Variants in UMAD1 observed in about 807,000 individuals in gnomAD.
The protein encoded by UMAD1 is UBAP1-MVB12-associated (UMA)-domain containing protein 1.
UMAD1 carries 8 observed loss-of-function variants against 6.1 expected under a neutral mutation model. The observed-to-expected ratio is 1.30, with a 90% CI of 0.76 to 2.35. The LOEUF (loss-of-function observed/expected upper bound fraction) is 2.35. Among genes scored for constraint, UMAD1 ranks in the 30% most tolerant of loss-of-function variants. The pLI, the probability that UMAD1 is intolerant of heterozygous loss-of-function variation, is 0.00. For missense variants in UMAD1, 130 were observed against 78.4 expected, an observed-to-expected ratio of 1.66 and a Z score of -2.49; for synonymous variants, 56 against 31.4, an observed-to-expected ratio of 1.78 and a Z score of -2.61.
intron 2 of UMAD1, among the ~76,000 whole-genome samples, chr7:7,792,213 AC>A (rs1413596158): frequency 6.6e-6 from 1 of 152,144 alleles, no homozygotes; most frequent in Non-Finnish European, 1.5e-5. Flanking sequence ...GTCAGCTTGT[AC>A]CCTTTCCTAT....
At chr7:7,869,981 G>T (rs1784305691) in intron 3 of UMAD1, among the ~76,000 whole-genome samples, 1 of 152,144 alleles carries the variant, frequency 6.6e-6, no homozygotes, top group Admixed American at 6.5e-5. Flanking sequence ...AGATTTTTAA[G>T]ATTGAACCTC....
intron 2 of UMAD1, among the ~76,000 whole-genome samples, chr7:7,769,227 C>T (rs554491848): frequency 2.0e-5 from 3 of 152,198 alleles, no homozygotes; most frequent in African/African-American, 7.2e-5. Context: ...TAGGAGCTCT[C>T]AGTGAAAACT....
intron 2 of UMAD1, among the ~76,000 whole-genome samples, chr7:7,683,345 A>C (rs1779959013): frequency 6.6e-6 from 1 of 152,176 alleles, no homozygotes; most frequent in African/African-American, 2.4e-5. Flanking sequence ...TTTTCCCCCC[A>C]GAGTTCTCCA....
intron 2 of UMAD1, among the ~76,000 whole-genome samples, chr7:7,674,174 C>T (rs1047320548): frequency 3.3e-5 from 5 of 152,170 alleles, no homozygotes; most frequent in Non-Finnish European, 5.9e-5. Context: ...TGGACCTCCT[C>T]CCACCAAATT....
chr7:7,824,653 A>C (rs1481958295), intron 3 of UMAD1, among the ~76,000 whole-genome samples: 1 of 152,106 alleles, frequency 6.6e-6, no homozygotes, highest in African/African-American at 2.4e-5. Context: ...CACCAGTAGA[A>C]GTTTGGAAGA....
chr7:7,704,135 A>G (rs569634096), intron 2 of UMAD1, among the ~76,000 whole-genome samples: 1 of 152,282 alleles, frequency 6.6e-6, no homozygotes, highest in East Asian at 1.9e-4. Context: ...TAAACAACAC[A>G]TCATGATAGT....
At chr7:7,817,606 A>T (rs539666867) in intron 3 of UMAD1, among the ~76,000 whole-genome samples, 8 of 152,162 alleles carry the variant, frequency 5.3e-5, no homozygotes, top group Non-Finnish European at 8.8e-5. Context: ...GATGATTCTA[A>T]TTCTCAAATC....
chr7:7,872,967 T>C (rs2115342885), intron 3 of UMAD1, among the ~76,000 whole-genome samples: 1 of 152,328 alleles, frequency 6.6e-6, no homozygotes, highest in South Asian at 2.1e-4. Context: ...TCAAAAGAGA[T>C]GAATGGATTC....
chr7:7,730,460 T>A (rs531139734), intron 2 of UMAD1, among the ~76,000 whole-genome samples: 1 of 152,088 alleles, frequency 6.6e-6, no homozygotes, highest in South Asian at 2.1e-4. Flanking sequence ...AAGCAATTGA[T>A]CTTGTCTCAT....
In UMAD1 at chr7:7,854,134, T is replaced by C. The variant is rs1286744708; in HGVS notation, c.157-23147T>C. 2.6e-5 allele frequency among the ~76,000 whole-genome samples: 4 copies of C among 152,066 alleles called. No individual in the cohort carries two copies. In the East Asian group the frequency reaches 7.7e-4, roughly 29 times the overall value. ...ACTTTGGGAGGCCAAGGCAAGCAGA[T>C]CCCCTGAGGCTGGAAGTTTGAGATC... On this transcript the variant is annotated intron_variant, in intron 3 of 3. Coordinates refer to ENST00000682710, the MANE Select transcript of UMAD1 (RefSeq NM_001302348.2).
At chr7:7,657,191 C>T (rs1176871337) in intron 1 of UMAD1, among the ~76,000 whole-genome samples, 1 of 151,988 alleles carries the variant, frequency 6.6e-6, no homozygotes, top group Non-Finnish European at 1.5e-5. Context: ...TGTTTAAATT[C>T]TTTCTAGAGT....
intron 1 of UMAD1, among the ~76,000 whole-genome samples, chr7:7,644,878 T>G (rs1785060528): frequency 6.6e-6 from 1 of 152,228 alleles, no homozygotes; most frequent in African/African-American, 2.4e-5. Flanking sequence ...TTGATCAAAA[T>G]TGCACTGTAT....
intron 2 of UMAD1, among the ~76,000 whole-genome samples, chr7:7,782,657 C>G (rs1414036994): frequency 6.6e-6 from 1 of 151,690 alleles, no homozygotes; most frequent in African/African-American, 2.4e-5. Flanking sequence ...ATACTTTAAT[C>G]CTAGTTAATC....
At chr7:7,832,812 G>C (rs928592444) in intron 3 of UMAD1, among the ~76,000 whole-genome samples, 1 of 152,212 alleles carries the variant, frequency 6.6e-6, no homozygotes, top group Admixed American at 6.5e-5. Context: ...GTATTCTACA[G>C]AGTGCAGGTG....
intron 1 of UMAD1, among the ~76,000 whole-genome samples, chr7:7,647,043 G>C (rs958046581): frequency 2.6e-5 from 4 of 152,134 alleles, no homozygotes; most frequent in Admixed American, 6.5e-5. Flanking sequence ...TTAGTGTGGA[G>C]TGTTTCTTTT....
intron 2 of UMAD1, among the ~76,000 whole-genome samples, chr7:7,716,358 C>G (rs994620521): frequency 6.6e-6 from 1 of 152,226 alleles, no homozygotes; most frequent in African/African-American, 2.4e-5. Context: ...GTTAGTGAGG[C>G]TAAGAGAGTC....
intron 3 of UMAD1, among the ~76,000 whole-genome samples, chr7:7,821,414 A>C (rs1863140): frequency 0.64 from 96,889 of 152,084 alleles, 31,765 homozygotes; most frequent in Non-Finnish European, 0.72. Flanking sequence ...TATTAAAATT[A>C]ATTTCACCTG....
intron 2 of UMAD1, among the ~76,000 whole-genome samples, chr7:7,799,382 T>A (rs769769822): frequency 7.9e-5 from 12 of 152,216 alleles, no homozygotes; most frequent in Non-Finnish European, 1.5e-4. Context: ...CAGGCAGATG[T>A]GTTGTGTGAA....
At chr7:7,657,689 A>T (rs1020827297) in intron 1 of UMAD1, among the ~76,000 whole-genome samples, 1 of 151,966 alleles carries the variant, frequency 6.6e-6, no homozygotes, top group African/African-American at 2.4e-5. Flanking sequence ...TTTGGTACCC[A>T]TACCATGCTG....
Sources: gnomAD v4.1 joint callset for allele counts (sites outside exome capture counted in the v4.1 genomes callset) on GRCh38, gnomAD v4.1.1 for gene constraint, MANE v1.5 for transcripts, NCBI Gene and HGNC (gene_info 2026-07-23, HGNC 2026-07-21) for gene names.